Variants in SPATA2 observed in about 807,000 individuals in gnomAD.
SPATA2 encodes the protein spermatogenesis associated 2, also known as spermatogenesis-associated protein 2.
In SPATA2, 8 loss-of-function variants were observed where a neutral mutation model predicts 35.4. The ratio of observed to expected loss-of-function variants is 0.23; its 90% CI spans 0.13 to 0.41. SPATA2 has a LOEUF of 0.41. Among genes scored for constraint, SPATA2 ranks in the 10% least tolerant of loss-of-function variants. The pLI is 1.00. For synonymous variants in SPATA2, 293 were observed against 300.9 expected, an observed-to-expected ratio of 0.97 and a Z score of 0.27; for missense variants, 650 against 698.7, an observed-to-expected ratio of 0.93 and a Z score of 0.79.
Position 49,905,975 on chromosome 20 carries a change from T to G in SPATA2, c.1207A>C (p.Thr403Pro), listed in dbSNP as rs1568905885. 2 of 1,608,302 alleles carry G rather than the reference T, an allele frequency of 1.2e-6. No individual in the cohort carries two copies. Among genetic ancestry groups the G allele is most frequent in the Admixed American group, 1.7e-5 (1 of 59,970 alleles). The change falls in exon 3 of 3, where the codon ACC (threonine) becomes CCC (proline). Residue 403 changes from threonine (T) to proline (P), a missense_variant. Transcript: ENST00000289431. ...SLCQRCDSLL[T>P]CPPASKPSAF... The stretch of plus-strand genomic sequence containing the variant: ...CTGGGCTTGGAAGCTGGAGGACAGG[T>G]GAGCAGGCTGTCACAGCGCTGGCAG...
In SPATA2 at chr20:49,903,940, TATATATATATATTA is replaced by T. The variant is rs1477815127; in HGVS notation, c.*1665_*1678del. The T allele has an allele frequency of 1.5e-5, 1 of 64,802 alleles. No individual in the cohort carries two copies. Among genetic ancestry groups the T allele is most frequent in the Non-Finnish European group, 3.2e-5 (1 of 31,598 alleles). 4.0% of individuals were successfully genotyped at this position (64,802 alleles called of 1,614,324 possible). ...ATATATATATATATATATATATATA[TATATATATATATTA>T]AAAAGAGAGCCATAGAAGATTTGGA... On this transcript the variant is annotated 3_prime_UTR_variant, in exon 3 of 3. Coordinates refer to ENST00000289431, the MANE Select transcript of SPATA2 (RefSeq NM_006038.4).
chr20:49,903,917 A>C lies in SPATA2; in HGVS notation c.*1702T>G, dbSNP rs1282378403. The stretch of plus-strand genomic sequence containing the variant: ...CTACCAGATAGATATATATATATAT[A>C]TATATATATATATATATATATATAT... On this transcript the variant is annotated 3_prime_UTR_variant, in exon 3 of 3. Transcript: ENST00000289431. The C allele has an allele frequency of 3.0e-5, 1 of 33,352 alleles. No individual in the cohort carries two copies. Among genetic ancestry groups the C allele is most frequent in the Admixed American group, 4.0e-4 (1 of 2,472 alleles). 2.1% of individuals were successfully genotyped at this position (33,352 alleles called of 1,614,324 possible).
At chr20:49,914,015 C>A (rs1321535523) in intron 1 of SPATA2, among the ~76,000 whole-genome samples, 1 of 139,222 alleles carries the variant, frequency 7.2e-6, no homozygotes, top group Non-Finnish European at 1.5e-5. Context: ...AACGCCAAGC[C>A]GTGCCAGTCT....
At chr20:49,907,368 T>C (rs1249771062) in intron 2 of SPATA2, among the ~76,000 whole-genome samples, 3 of 152,122 alleles carry the variant, frequency 2.0e-5, no homozygotes, top group Non-Finnish European at 4.4e-5. Context: ...AGCAGCTACT[T>C]TGTTAAACAC....
At chr20:49,912,939 CAAAAAAA>C (rs3092212) in intron 1 of SPATA2, among the ~76,000 whole-genome samples, 15 of 98,700 alleles carry the variant, frequency 1.5e-4, no homozygotes, top group African/African-American at 7.3e-4. Context: ...TCCGTCTCTA[CAAAAAAA>C]AAAAAAAAAA....
rs1375876823 is a variant in SPATA2, at chr20:49,903,962, A to C, written c.*1657T>G. 4 of 142,692 alleles carry C rather than the reference A, an allele frequency of 2.8e-5. No homozygotes were observed. Among genetic ancestry groups the C allele is most frequent in the Admixed American group, 1.4e-4 (2 of 14,092 alleles). 8.8% of individuals were successfully genotyped at this position (142,692 alleles called of 1,614,324 possible). A position where few individuals can be genotyped will look rare whatever the true frequency, so the allele number is the denominator to read the frequency against. On this transcript the variant is annotated 3_prime_UTR_variant, in exon 3 of 3. Transcript: ENST00000289431. Reference sequence around the variant, plus strand: ...ATATATATATATATATTAAAAAGAGAGCCATAGAAGATTTGGAAAACCTTA... The same window carrying C: ...ATATATATATATATATTAAAAAGAGCGCCATAGAAGATTTGGAAAACCTTA...
rs183458567 is a variant in SPATA2 at position 49,911,639 on chromosome 20, C to T, written c.-102-3047G>A. On this transcript the variant is annotated intron_variant, in intron 1 of 2. Transcript: ENST00000289431. ...CCGAGATCGCCCCATTGCACTCCAG[C>T]CTGGGCAACAGAGCGAGACTCCGTC... Among the ~76,000 whole-genome samples, 38 of 151,422 alleles carry T rather than the reference C, an allele frequency of 2.5e-4. No individual in the cohort carries two copies. The East Asian group carries it at 6.6e-3, about 26-fold the overall frequency.
Position 49,908,453 on chromosome 20 carries a change from T to A in SPATA2, c.38A>T (p.Asp13Val). 6.2e-7 allele frequency: 1 copy of A among 1,605,120 alleles called. No homozygotes were observed. The highest frequency in any genetic ancestry group is 8.5e-7 in the Non-Finnish European group (1 of 1,172,472). The part of the protein sequence containing the change: ...KPSSMDTKFK[D>V]DLFRKYVQFH... ...CTGCACGTACTTCCGAAATAAGTCA[T>A]CCTTGAATTTAGTATCCATTGAACT... The change falls in exon 2 of 3, where the codon GAT (aspartate) becomes GTT (valine). Residue 13 changes from aspartate to valine, a missense_variant. Coordinates refer to ENST00000289431, the MANE Select transcript of SPATA2 (RefSeq NM_006038.4).
chr20:49,906,420 C>G lies in SPATA2; in HGVS notation c.762G>C (p.Val254=). ...KPRVTKPSRS[V]DAYDSYWESR... ...TCTCCCAGTAGCTGTCATAGGCATC[C>G]ACTGACCTCGAGGGCTTGGTCACGC... is the stretch of plus-strand genomic sequence containing the variant. Residue 254 remains valine (V), a synonymous_variant, in exon 3 of 3, where the codon GTG becomes GTC. Transcript: ENST00000289431. This position sits in a 1 kb window ranked among gnomAD's most constrained non-coding sequence, Gnocchi z 8.2. 1.2e-6 allele frequency: 2 copies of G among 1,613,220 alleles called. No individual in the cohort carries two copies. The highest frequency in any genetic ancestry group is 1.7e-6 in the Non-Finnish European group (2 of 1,180,010).
chr20:49,908,437 C>T lies in SPATA2; in HGVS notation c.54G>A (p.Lys18=). The T allele has an allele frequency of 6.2e-7, 1 of 1,607,586 alleles. No individual in the cohort carries two copies. The change falls in exon 2 of 3, where the codon AAG becomes AAA. Residue 18 remains lysine, a synonymous_variant. Coordinates refer to ENST00000289431, the MANE Select transcript of SPATA2 (RefSeq NM_006038.4). ...CTTTGCTCTCATGGAACTGCACGTA[C>T]TTCCGAAATAAGTCATCCTTGAATT... ...DTKFKDDLFR[K]YVQFHESKVD...
In SPATA2 at chr20:49,908,255, G is replaced by T. The variant is rs1340442075; in HGVS notation, c.236C>A (p.Ser79Tyr). 2.5e-6 allele frequency: 4 copies of T among 1,614,036 alleles called. No individual in the cohort carries two copies. Among genetic ancestry groups the T allele is most frequent in the Non-Finnish European group, 3.4e-6 (4 of 1,180,024 alleles). The change falls in exon 2 of 3, where the codon TCC becomes TAC. Residue 79 changes from serine to tyrosine, a missense_variant. Transcript: ENST00000289431. ...VVESSLRSLS[S>Y]SSLRALHGAF... ...GCCGTGCAGAGCCCGCAGGCTAGAG[G>T]AGCTGAGCGAGCGCAAGGAGCTCTC...
chr20:49,914,990 G>A (rs1302595528), intron 1 of SPATA2, among the ~76,000 whole-genome samples: 4 of 152,250 alleles, frequency 2.6e-5, no homozygotes, highest in Non-Finnish European at 4.4e-5. Flanking sequence ...AGGCTCTTAA[G>A]ATGAAGTGAC....
Position 49,908,185 on chromosome 20 carries a change from G to A in SPATA2, c.306C>T (p.Tyr102=), listed in dbSNP as rs555940290. The A allele has an allele frequency of 6.2e-7, 1 of 1,611,990 alleles. No individual in the cohort carries two copies. The highest frequency in any genetic ancestry group is 1.7e-5 in the Admixed American group (1 of 59,978). ...TGCTTCTGAATTCCTTCTTCCACGG[G>A]TAGAGGAAGAGGTTGATGCCCACCG... ...LETVGINLFL[Y]PWKKEFRSIK... is the part of the protein sequence containing the mutation. The change falls in exon 2 of 3, where the codon TAC becomes TAT. Residue 102 remains tyrosine, a synonymous_variant. Coordinates refer to ENST00000289431, the MANE Select transcript of SPATA2 (RefSeq NM_006038.4).
intron 1 of SPATA2, among the ~76,000 whole-genome samples, chr20:49,914,599 CCTA>C (rs2090199010): frequency 6.6e-6 from 1 of 152,186 alleles, no homozygotes; most frequent in African/African-American, 2.4e-5. Flanking sequence ...TCCCCACACT[CCTA>C]CTAGATTCCA....
chr20:49,913,308 G>A (rs919299549), intron 1 of SPATA2, among the ~76,000 whole-genome samples: 1 of 152,170 alleles, frequency 6.6e-6, no homozygotes, highest in Non-Finnish European at 1.5e-5. Flanking sequence ...CTCTTGCTGG[G>A]AGGCCCTTGA....
rs2090124527 is a variant in SPATA2 at position 49,903,941 on chromosome 20, AT to A, written c.*1677del. The A allele has an allele frequency of 1.3e-5, 1 of 74,978 alleles. No individual in the cohort carries two copies. Among genetic ancestry groups the A allele is most frequent in the Non-Finnish European group, 2.8e-5 (1 of 35,658 alleles). The allele number at this position is 74,978 out of a possible 1,614,324, so 4.6% of individuals were successfully genotyped here. On this transcript the variant is annotated 3_prime_UTR_variant, in exon 3 of 3. Transcript: ENST00000289431. ...TATATATATATATATATATATATAT[AT>A]ATATATATATTAAAAAGAGAGCCAT...
rs373687324 is a variant in SPATA2, at chr20:49,905,929, G to A, written c.1253C>T (p.Ser418Leu). ...CCCGTGGGCCAGGCTGTCATGAGTC[G>A]AGGCCTTGCTGGGGAAGGCGCTGGG... ...SKPSAFPSKA[S>L]THDSLAHGAS... Residue 418 changes from serine (S) to leucine (L), a missense_variant, in exon 3 of 3, where the codon TCG (serine) becomes TTG (leucine). By Grantham distance (145) the Ser-to-Leu change is moderately radical. Coordinates refer to ENST00000289431, the MANE Select transcript of SPATA2 (RefSeq NM_006038.4). The A allele has an allele frequency of 3.2e-5, 51 of 1,611,356 alleles. No homozygotes were observed. Among genetic ancestry groups the A allele is most frequent in the South Asian group, 3.3e-5 (3 of 91,074 alleles).
Position 49,903,918 on chromosome 20 carries a change from T to G in SPATA2, c.*1701A>C, listed in dbSNP as rs1289928634. Reference sequence around the variant, plus strand: ...TACCAGATAGATATATATATATATATATATATATATATATATATATATATA... The same window carrying G: ...TACCAGATAGATATATATATATATAGATATATATATATATATATATATATA... On this transcript the variant is annotated 3_prime_UTR_variant, in exon 3 of 3. Transcript: ENST00000289431. The G allele has an allele frequency of 4.3e-3, 154 of 35,878 alleles. 1 individual carries two copies. Among genetic ancestry groups the G allele is most frequent in the African/African-American group, 0.011 (144 of 13,220 alleles). 2.2% of individuals were successfully genotyped at this position (35,878 alleles called of 1,614,324 possible).
At position 49,915,494 on chromosome 20, in the gene SPATA2, A is replaced by AGACCAGTACCCGGGGGCCAGC. The variant is rs1294176552; in HGVS notation, c.-238_-218dup. 13 of 152,222 alleles carry AGACCAGTACCCGGGGGCCAGC rather than the reference A, an allele frequency of 8.5e-5. No individual in the cohort carries two copies. Among genetic ancestry groups the AGACCAGTACCCGGGGGCCAGC allele is most frequent in the Non-Finnish European group, 1.8e-4 (12 of 68,052 alleles). The allele number at this position is 152,222 out of a possible 1,614,324, so 9.4% of individuals were successfully genotyped here. A position where few individuals can be genotyped will look rare whatever the true frequency, so the allele number is the denominator to read the frequency against. On this transcript the variant is annotated 5_prime_UTR_variant, in exon 1 of 3. Transcript: ENST00000289431. ...TCTCCGGCCGGCTGCAGGGGTACTG[A>AGACCAGTACCCGGGGGCCAGC]GACCAGTACCCGGGGGCCAGCAGCG...
Sources: allele counts gnomAD v4.1 joint callset (sites outside exome capture counted in the v4.1 genomes callset), GRCh38; gene constraint gnomAD v4.1.1; non-coding constraint Gnocchi (gnomAD v3.1); transcripts MANE v1.5; gene names NCBI Gene and HGNC (gene_info 2026-07-23, HGNC 2026-07-21).